DLG2: variants seen among roughly 807,000 people sequenced by gnomAD.
DLG2 encodes the protein discs large MAGUK scaffold protein 2, also known as disks large homolog 2.
In DLG2, 45 loss-of-function variants were observed where a neutral mutation model predicts 132.5. That is an observed-to-expected ratio of 0.34 (90% CI 0.27 to 0.44). DLG2 has a LOEUF of 0.44. Ranked by LOEUF, DLG2 falls within the 20% of genes least tolerant of loss-of-function variation. The pLI, the probability that DLG2 is intolerant of heterozygous loss-of-function variation, is 1.00. For missense variants in DLG2, 1,045 were observed against 1,196.9 expected, an observed-to-expected ratio of 0.87 and a Z score of 1.87; for synonymous variants, 424 against 419.6, an observed-to-expected ratio of 1.01 and a Z score of -0.13.
intron 18 of DLG2, among the ~76,000 whole-genome samples, chr11:83,667,496 G>T (rs564231774): frequency 6.6e-6 from 1 of 152,294 alleles, no homozygotes; most frequent in South Asian, 2.1e-4. Flanking sequence ...GGAATTTCAT[G>T]TGAGCTTCAC....
intron 6 of DLG2, among the ~76,000 whole-genome samples, chr11:84,583,595 G>A (rs1185944323): frequency 1.3e-5 from 2 of 152,170 alleles, no homozygotes; most frequent in African/African-American, 2.4e-5. Context: ...GCACAGTAAT[G>A]AAATTAACAT....
intron 10 of DLG2, among the ~76,000 whole-genome samples, chr11:84,066,978 TA>T (rs1168160785): frequency 6.6e-6 from 1 of 152,164 alleles, no homozygotes; most frequent in African/African-American, 2.4e-5. Flanking sequence ...GTATGAAGTG[TA>T]AAAATGCATG....
chr11:83,724,476 TGAGAGAGAGAGA>T lies in DLG2; in HGVS notation c.1825+62202_1825+62213del, dbSNP rs59782952. On this transcript the variant is annotated intron_variant, in intron 18 of 27. Coordinates refer to ENST00000376104, the MANE Select transcript of DLG2 (RefSeq NM_001142699.3). ...CTCTCTCCGTGTGTGTGTGTGTGTG[TGAGAGAGAGAGA>T]GAGAGAGAGAGAGAGAGAGAGAGAG... Among the ~76,000 whole-genome samples, 364 of 118,222 alleles carry T rather than the reference TGAGAGAGAGAGA, an allele frequency of 3.1e-3. 7 individuals carry two copies. The highest frequency in any genetic ancestry group is 8.7e-3 in the African/African-American group (294 of 33,898). 77.6% of individuals were successfully genotyped at this position (118,222 alleles called of 152,430 possible).
chr11:84,596,155 CTTACTCTGTTGAAATTTCTTTCCTTCT>C, intron 6 of DLG2, among the ~76,000 whole-genome samples: 1 of 152,012 alleles, frequency 6.6e-6, no homozygotes, highest in East Asian at 1.9e-4. Flanking sequence ...AATTATCAGA[CTTACTCTGTTGAAATTTCTTTCCTTCT>C]TTTCTCTGTC....
chr11:84,728,316 T>G (rs1202611324), intron 6 of DLG2, among the ~76,000 whole-genome samples: 3 of 152,204 alleles, frequency 2.0e-5, no homozygotes, highest in Non-Finnish European at 4.4e-5. Context: ...TTGAATTTTG[T>G]CAAAGGTCTT....
chr11:84,705,132 A>G (rs1449053509), intron 6 of DLG2, among the ~76,000 whole-genome samples: 1 of 151,678 alleles, frequency 6.6e-6, no homozygotes, highest in Non-Finnish European at 1.5e-5. Flanking sequence ...CATTCAAAGT[A>G]GTTTAACTAA....
At chr11:83,869,514 A>G (rs757356316) in intron 16 of DLG2, among the ~76,000 whole-genome samples, 5 of 152,156 alleles carry the variant, frequency 3.3e-5, no homozygotes, top group Admixed American at 1.3e-4. Context: ...TTTGTGCCAA[A>G]CAGTGGTACA....
intron 7 of DLG2, among the ~76,000 whole-genome samples, chr11:84,494,853 G>T (rs573706613): frequency 1.7e-4 from 26 of 152,208 alleles, no homozygotes; most frequent in African/African-American, 6.3e-4. Context: ...GAGCCTCCCT[G>T]CCCCAATTTT....
At chr11:83,866,611 A>C (rs1364010528) in intron 16 of DLG2, among the ~76,000 whole-genome samples, 3 of 152,190 alleles carry the variant, frequency 2.0e-5, no homozygotes, top group Non-Finnish European at 4.4e-5. Flanking sequence ...TATAACAACG[A>C]GGAGAAAGTT....
intron 6 of DLG2, among the ~76,000 whole-genome samples, chr11:84,574,279 T>C (rs2099493329): frequency 1.3e-5 from 2 of 151,894 alleles, no homozygotes; most frequent in African/African-American, 2.4e-5. Flanking sequence ...GTTTATATCT[T>C]GAAAATAAGA....
intron 6 of DLG2, among the ~76,000 whole-genome samples, chr11:84,915,228 G>C (rs1335224734): frequency 6.6e-6 from 1 of 152,062 alleles, no homozygotes; most frequent in African/African-American, 2.4e-5. Context: ...GGTTAATGAA[G>C]GAATCTTTTA....
chr11:85,450,891 C>T (rs184223694), intron 3 of DLG2, among the ~76,000 whole-genome samples: 14 of 152,126 alleles, frequency 9.2e-5, no homozygotes, highest in Admixed American at 9.2e-4. Context: ...TTTGCTTGCT[C>T]TTCCTCCATA....
At chr11:85,505,564 G>A (rs563762668) in intron 3 of DLG2, among the ~76,000 whole-genome samples, 2 of 152,294 alleles carry the variant, frequency 1.3e-5, no homozygotes, top group South Asian at 4.1e-4. Context: ...TCCCAGAGCT[G>A]AAGCCGACTT....
intron 7 of DLG2, among the ~76,000 whole-genome samples, chr11:84,502,166 CTCTCTCTCTT>C (rs1378309540): frequency 2.0e-5 from 1 of 50,446 alleles, no homozygotes; most frequent in Non-Finnish European, 3.8e-5. Context: ...TCCTTTCTCT[CTCTCTCTCTT>C]TCTCTCTCTT....
At chr11:84,176,667 G>C (rs1026511510) in intron 8 of DLG2, among the ~76,000 whole-genome samples, 42 of 152,164 alleles carry the variant, frequency 2.8e-4, no homozygotes, top group African/African-American at 9.9e-4. Context: ...GTGATAGCTA[G>C]TCGGATTAAG....
intron 6 of DLG2, among the ~76,000 whole-genome samples, chr11:85,099,548 A>G (rs1407118226): frequency 6.6e-6 from 1 of 152,204 alleles, no homozygotes; most frequent in Non-Finnish European, 1.5e-5. Flanking sequence ...ACTCCTGTTC[A>G]TATGTTGTAT....
intron 6 of DLG2, among the ~76,000 whole-genome samples, chr11:85,079,949 C>T (rs2067031955): frequency 6.6e-6 from 1 of 152,046 alleles, no homozygotes; most frequent in Non-Finnish European, 1.5e-5. Context: ...TCTTGATATC[C>T]TCTCAGTAAT....
intron 18 of DLG2, among the ~76,000 whole-genome samples, chr11:83,715,682 C>T (rs942077384): frequency 7.2e-5 from 11 of 152,210 alleles, no homozygotes; most frequent in African/African-American, 1.9e-4. Context: ...CTGGGCATAA[C>T]GATTGTTCCG....
intron 8 of DLG2, among the ~76,000 whole-genome samples, chr11:84,202,273 T>C (rs981140212): frequency 1.3e-5 from 2 of 152,074 alleles, no homozygotes; most frequent in African/African-American, 4.8e-5. Context: ...GACAGACACA[T>C]AGACCAATGG....
Sources: allele counts gnomAD v4.1 joint callset (sites outside exome capture counted in the v4.1 genomes callset), GRCh38; gene constraint gnomAD v4.1.1; transcripts MANE v1.5; gene names NCBI Gene and HGNC (gene_info 2026-07-23, HGNC 2026-07-21).